The following ABCA12 variants were observed in gnomAD, a reference collection of about 807,000 sequenced individuals.
The protein encoded by ABCA12 is glucosylceramide transporter ABCA12.
ABCA12 carries 156 observed loss-of-function variants against 293.5 expected under a neutral mutation model. That is an observed-to-expected ratio of 0.53 (90% CI 0.47 to 0.61). ABCA12 has a LOEUF of 0.61. ABCA12 is among the 20% of genes least tolerant of loss of function. The pLI, the probability that ABCA12 is intolerant of heterozygous loss-of-function variation, is 0.00. For missense variants in ABCA12, 2,797 were observed against 3,090.2 expected (o/e 0.91, Z 2.25); for synonymous variants, 1,063 against 1,108.0 (o/e 0.96, Z 0.81).
intron 23 of ABCA12, among the ~76,000 whole-genome samples, chr2:214,994,124 T>C (rs1355773879): frequency 6.6e-6 from 1 of 152,058 alleles, no homozygotes; most frequent in African/African-American, 2.4e-5. Context: ...GAAAGACCAG[T>C]GAGAGCATAT....
In ABCA12 at chr2:214,953,867, T is replaced by A; in HGVS notation, c.6634A>T (p.Ile2212Leu). The A allele has an allele frequency of 6.2e-7, 1 of 1,613,910 alleles. No homozygotes were observed. The highest frequency in any genetic ancestry group is 2.2e-5 in the East Asian group (1 of 44,812). Residue 2212 changes from isoleucine (I) to leucine (L), a missense_variant, in exon 44 of 53, where the codon ATA (isoleucine) becomes TTA (leucine). By Grantham distance (5) the Ile-to-Leu change is conservative (BLOSUM62 2). This residue lies in a region of ABCA12 where 2,130 missense variants were observed against 2,427.0 expected (regional missense o/e 0.88). Coordinates refer to ENST00000272895, the MANE Select transcript of ABCA12 (RefSeq NM_173076.3). The stretch of plus-strand genomic sequence containing the variant: ...CATTATATTTACCTGAGTTTCTTTA[T>A]CAGGGATTCGTTGATTAAGAGTCGC... Reference protein sequence around the residue: ...SLRLLINESLIKKLRLFFRKF... With the variant: ...SLRLLINESLLKKLRLFFRKF...
At chr2:215,043,285 G>T (rs1360536413) in intron 7 of ABCA12, among the ~76,000 whole-genome samples, 1 of 151,938 alleles carries the variant, frequency 6.6e-6, no homozygotes, top group East Asian at 1.9e-4. Context: ...TGCTACTAAG[G>T]TGCTTGAGTT....
intron 52 of ABCA12, among the ~76,000 whole-genome samples, chr2:214,933,386 C>G (rs1195059497): frequency 6.6e-6 from 1 of 152,050 alleles, no homozygotes; most frequent in Non-Finnish European, 1.5e-5. Flanking sequence ...TTGTCTAAAG[C>G]CCCCATTAAA....
chr2:215,064,734 A>C (rs1383537988), intron 2 of ABCA12, among the ~76,000 whole-genome samples: 1 of 143,846 alleles, frequency 7.0e-6, no homozygotes, highest in East Asian at 2.1e-4. Flanking sequence ...CACACACACA[A>C]ACATGTACTA....
At position 215,113,621 on chromosome 2, in the gene ABCA12, T is replaced by A. The variant is rs1378098952; in HGVS notation, c.70-1931A>T. 2.0e-5 allele frequency among the ~76,000 whole-genome samples: 3 copies of A among 152,220 alleles called. No homozygotes were observed. In the East Asian group the frequency reaches 5.8e-4, roughly 29 times the overall value. On this transcript the variant is annotated intron_variant, in intron 1 of 52. Transcript: ENST00000272895. ...CTATCTAACAGGAGTGTTTACAAAG[T>A]CCTGGAATATTTTTGTTGGAAAATT...
Position 215,064,119 on chromosome 2 carries a change from G to A in ABCA12, c.264C>T (p.Gly88=). 6.2e-7 allele frequency: 1 copy of A among 1,612,934 alleles called. No individual in the cohort carries two copies. The highest frequency in any genetic ancestry group is 8.5e-7 in the Non-Finnish European group (1 of 1,179,240). Reference sequence around the variant, plus strand: ...CTTTCCTACGAAGCAGATCTTGTGGGCCATAGGGTGTGTCTTTGCATTTAG... The same window carrying A: ...CTTTCCTACGAAGCAGATCTTGTGGACCATAGGGTGTGTCTTTGCATTTAG... ...TDSKCKDTPY[G]PQDLLRRKGI... Residue 88 remains glycine, a synonymous_variant, in exon 3 of 53, where the codon GGC becomes GGT. Transcript: ENST00000272895.
At chr2:215,008,144 C>T (rs900673606) in intron 18 of ABCA12, among the ~76,000 whole-genome samples, 1 of 152,040 alleles carries the variant, frequency 6.6e-6, no homozygotes, top group Non-Finnish European at 1.5e-5. Flanking sequence ...TCATTTTCAC[C>T]AACGACACAC....
chr2:215,059,323 G>A (rs909805901), intron 3 of ABCA12, among the ~76,000 whole-genome samples: 19 of 152,132 alleles, frequency 1.2e-4, no homozygotes, highest in Admixed American at 1.2e-3. Context: ...ATTTGACGCA[G>A]TTGTCCTTCC....
At chr2:214,978,767 A>G (rs1479141025) in intron 32 of ABCA12, 37 bp downstream of exon 32, 1 of 1,593,036 alleles carries the variant, frequency 6.3e-7, no homozygotes, top group African/African-American at 1.3e-5. Flanking sequence ...AGCAAGTTAT[A>G]TCAGCTTGAA....
chr2:215,058,770 T>C (rs1049344629), intron 3 of ABCA12, among the ~76,000 whole-genome samples: 2 of 151,994 alleles, frequency 1.3e-5, no homozygotes, highest in Non-Finnish European at 2.9e-5. Flanking sequence ...CAGTGACATT[T>C]ATAGGGCTCT....
chr2:215,044,791 G>T (rs1188172956), intron 7 of ABCA12, among the ~76,000 whole-genome samples: 1 of 152,140 alleles, frequency 6.6e-6, no homozygotes, highest in East Asian at 1.9e-4. Flanking sequence ...AGAATCAAAT[G>T]AGATTGTTTT....
At position 214,975,887 on chromosome 2, in the gene ABCA12, G is replaced by A. The variant is rs1699504272; in HGVS notation, c.5279C>T (p.Thr1760Ile). 1.2e-6 allele frequency: 2 copies of A among 1,614,146 alleles called. No homozygotes were observed. The highest frequency in any genetic ancestry group is 4.5e-5 in the East Asian group (2 of 44,882). ...TCTCAGTGTGCCAAGGCCCATGGCA[G>A]TGGTAACAAAGACGATGGGGAGGAT... is the stretch of plus-strand genomic sequence containing the variant. ...QVILPIVFVT[T>I]AMGLGTLRNS... The change falls in exon 34 of 53, where the codon ACT becomes ATT. Residue 1760 changes from threonine (T) to isoleucine (I), a missense_variant. By Grantham distance (89) the Thr-to-Ile change is moderately conservative. Transcript: ENST00000272895.
At chr2:215,106,360 C>T (rs373463195) in intron 2 of ABCA12, among the ~76,000 whole-genome samples, 2 of 152,144 alleles carry the variant, frequency 1.3e-5, no homozygotes, top group East Asian at 3.9e-4. Context: ...ATTTTTACAG[C>T]AATGCTCAAT....
intron 39 of ABCA12, among the ~76,000 whole-genome samples, chr2:214,963,923 C>CAAAA (rs71041974): frequency 0.017 from 1,019 of 59,472 alleles, 43 homozygotes; most frequent in African/African-American, 0.03. Context: ...GACTCTGCCT[C>CAAAA]AAAAAAAAAA....
chr2:214,975,710 G>A, intron 34 of ABCA12, 75 bp downstream of exon 34: 1 of 1,577,688 alleles, frequency 6.3e-7, no homozygotes, highest in South Asian at 1.1e-5. Flanking sequence ...CAGATCTCAT[G>A]GCCTTCATTC....
intron 3 of ABCA12, among the ~76,000 whole-genome samples, chr2:215,055,254 A>G (rs978238580): frequency 1.8e-4 from 28 of 152,082 alleles, no homozygotes; most frequent in Non-Finnish European, 8.8e-5. Context: ...ATTGCATTGA[A>G]TGTGTCAAGG....
At chr2:214,997,107 A>T (rs1230522560) in intron 23 of ABCA12, among the ~76,000 whole-genome samples, 1 of 152,076 alleles carries the variant, frequency 6.6e-6, no homozygotes, top group Non-Finnish European at 1.5e-5. Flanking sequence ...CATGCATCAC[A>T]CTCCTGGTTC....
intron 2 of ABCA12, among the ~76,000 whole-genome samples, chr2:215,106,682 T>C (rs1038020027): frequency 4.6e-5 from 7 of 151,388 alleles, no homozygotes; most frequent in African/African-American, 1.7e-4. Flanking sequence ...AGCAAAGTGT[T>C]CAATAAATGT....
At chr2:215,111,340 G>A (rs1458425872) in intron 2 of ABCA12, among the ~76,000 whole-genome samples, 1 of 152,154 alleles carries the variant, frequency 6.6e-6, no homozygotes, top group Non-Finnish European at 1.5e-5. Context: ...AATAATAAAT[G>A]AGTCAAAATT....
Sources: allele counts gnomAD v4.1 joint callset (sites outside exome capture counted in the v4.1 genomes callset), GRCh38; gene constraint gnomAD v4.1.1; regional missense constraint gnomAD v4.1.1; transcripts MANE v1.5; gene names NCBI Gene and HGNC (gene_info 2026-07-23, HGNC 2026-07-21).